DCC: variants seen among roughly 807,000 people sequenced by gnomAD.
The protein encoded by DCC is DCC netrin 1 receptor.
DCC carries 58 observed loss-of-function variants against 172.5 expected under a neutral mutation model. That is an observed-to-expected ratio of 0.34 (90% CI 0.27 to 0.42). DCC has a LOEUF of 0.42. DCC is among the 10% of genes least tolerant of loss of function. The pLI, the probability that DCC is intolerant of heterozygous loss-of-function variation, is 1.00. For synonymous variants in DCC, 709 were observed against 644.5 expected (o/e 1.10, Z -1.52); for missense variants, 1,740 against 1,791.0 (o/e 0.97, Z 0.51).
rs1384722140 is a variant in DCC at position 52,736,464 on chromosome 18, GT to G, written c.92-15583del. 3.3e-5 allele frequency among the ~76,000 whole-genome samples: 5 copies of G among 151,926 alleles called. No individual in the cohort carries two copies. In the East Asian group the frequency reaches 7.7e-4, roughly 24 times the overall value. On this transcript the variant is annotated intron_variant, in intron 1 of 28. Coordinates refer to ENST00000442544, the MANE Select transcript of DCC (RefSeq NM_005215.4). ...TATAAGTGACTTTGATAATTATCAGGTTTTTTTATGTCTACATTATTCATTC... is the reference window on the plus strand; with the variant it reads ...TATAAGTGACTTTGATAATTATCAGGTTTTTTATGTCTACATTATTCATTC...
chr18:52,549,530 C>A (rs887508573), intron 1 of DCC, among the ~76,000 whole-genome samples: 2 of 152,094 alleles, frequency 1.3e-5, no homozygotes, highest in Admixed American at 6.6e-5. Flanking sequence ...GTCCTCCACA[C>A]GGTGAACCAG....
intron 3 of DCC, among the ~76,000 whole-genome samples, chr18:52,909,516 T>A (rs1337963986): frequency 6.6e-6 from 1 of 152,182 alleles, no homozygotes; most frequent in Non-Finnish European, 1.5e-5. Flanking sequence ...GTGTTTATAG[T>A]TATATAATTC....
chr18:53,008,639 GC>G (rs1280707209), intron 5 of DCC, among the ~76,000 whole-genome samples: 6 of 151,708 alleles, frequency 4.0e-5, no homozygotes, highest in African/African-American at 1.5e-4. Context: ...AGTACCATTG[GC>G]CACATTTCTG....
At chr18:53,372,847 A>G (rs2058072972) in intron 15 of DCC, among the ~76,000 whole-genome samples, 1 of 152,076 alleles carries the variant, frequency 6.6e-6, no homozygotes, top group Non-Finnish European at 1.5e-5. Flanking sequence ...CTTGATCCTC[A>G]GAACTCTGTA....
intron 1 of DCC, among the ~76,000 whole-genome samples, chr18:52,430,672 A>G (rs1269285508): frequency 6.6e-6 from 1 of 152,192 alleles, no homozygotes; most frequent in Admixed American, 6.5e-5. Flanking sequence ...CCGCTGTGGA[A>G]TAAGCCAGTT....
intron 5 of DCC, among the ~76,000 whole-genome samples, chr18:52,958,662 G>A (rs2040787593): frequency 6.6e-6 from 1 of 152,026 alleles, no homozygotes; most frequent in Non-Finnish European, 1.5e-5. Context: ...AGGACTTGGT[G>A]GCCATAGGCA....
In DCC at chr18:52,737,706, G is replaced by A. The variant is rs57012291; in HGVS notation, c.92-14348G>A. ...ATCTGTGGCTCTGGACTAGAGGACT[G>A]TTGGAGAGAATGAGGAAGCCAGAGA... On this transcript the variant is annotated intron_variant, in intron 1 of 28. Transcript: ENST00000442544. Among the ~76,000 whole-genome samples the A allele has an allele frequency of 3.3e-3, 495 of 152,266 alleles. 2 individuals are homozygous for A. The highest frequency in any genetic ancestry group is 0.011 in the African/African-American group (469 of 41,562).
At chr18:53,485,973 ATCAT>A (rs559116744) in intron 25 of DCC, among the ~76,000 whole-genome samples, 69 of 152,218 alleles carry the variant, frequency 4.5e-4, no homozygotes, top group Middle Eastern at 6.8e-3. Context: ...GCTAAAACTG[ATCAT>A]TCAGGTAGCT....
At chr18:52,951,298 A>G (rs1179779092) in intron 5 of DCC, among the ~76,000 whole-genome samples, 1 of 152,104 alleles carries the variant, frequency 6.6e-6, no homozygotes, top group Admixed American at 6.6e-5. Flanking sequence ...TAAAATCTGG[A>G]ATGCATGTGC....
At chr18:53,486,689 T>C (rs2045903783) in intron 25 of DCC, 108 bp from the exon 26 acceptor site, 1 of 1,454,244 alleles carries the variant, frequency 6.9e-7, no homozygotes, top group Non-Finnish European at 9.6e-7. Flanking sequence ...GTTGATACTA[T>C]GAAGAGTGTG....
At chr18:53,479,018 C>T (rs2045801056) in intron 25 of DCC, among the ~76,000 whole-genome samples, 1 of 152,138 alleles carries the variant, frequency 6.6e-6, no homozygotes, top group Non-Finnish European at 1.5e-5. Context: ...ATTCCATCAC[C>T]CTTCAGCCCT....
intron 12 of DCC, among the ~76,000 whole-genome samples, chr18:53,216,920 G>T (rs924220062): frequency 6.6e-6 from 1 of 152,086 alleles, no homozygotes; most frequent in African/African-American, 2.4e-5. Flanking sequence ...TTAAGAGATT[G>T]CCAAGTCAAA....
intron 1 of DCC, among the ~76,000 whole-genome samples, chr18:52,597,179 C>T (rs899360112): frequency 3.3e-5 from 5 of 152,144 alleles, no homozygotes; most frequent in African/African-American, 4.8e-5. Context: ...GTCTTTGAAA[C>T]GGCCTATAAA....
chr18:52,771,953 G>A (rs1054795302), intron 2 of DCC, among the ~76,000 whole-genome samples: 1 of 151,630 alleles, frequency 6.6e-6, no homozygotes, highest in African/African-American at 2.4e-5. Context: ...AGCTCCCCAG[G>A]TGATTCTAAT....
chr18:52,430,381 T>A (rs1178001288), intron 1 of DCC, among the ~76,000 whole-genome samples: 1 of 140,370 alleles, frequency 7.1e-6, no homozygotes, highest in Non-Finnish European at 1.6e-5. Context: ...TGCAACATAC[T>A]TTTACAGTAC....
chr18:52,843,865 T>C (rs1306012981), intron 2 of DCC, among the ~76,000 whole-genome samples: 8 of 152,100 alleles, frequency 5.3e-5, no homozygotes, highest in Non-Finnish European at 1.2e-4. Flanking sequence ...GAACAGGAAA[T>C]ATGTAGGGAA....
intron 5 of DCC, among the ~76,000 whole-genome samples, chr18:52,971,984 C>T (rs35166096): frequency 0.11 from 16,721 of 152,150 alleles, 1,313 homozygotes; most frequent in East Asian, 0.3. Context: ...TGTCTCCTGA[C>T]AGTGAGCTCA....
chr18:52,880,977 A>C (rs1475127951), intron 2 of DCC, among the ~76,000 whole-genome samples: 1 of 152,128 alleles, frequency 6.6e-6, no homozygotes, highest in Non-Finnish European at 1.5e-5. Context: ...TTTCCCACCA[A>C]CACTGTAGAA....
intron 1 of DCC, among the ~76,000 whole-genome samples, chr18:52,640,483 C>G (rs773004213): frequency 6.6e-6 from 1 of 152,090 alleles, no homozygotes; most frequent in African/African-American, 2.4e-5. Context: ...CCAGAAAGCT[C>G]TTAGAACTGA....
Sources: gnomAD v4.1 joint callset for allele counts (sites outside exome capture counted in the v4.1 genomes callset) on GRCh38, gnomAD v4.1.1 for gene constraint, MANE v1.5 for transcripts, NCBI Gene and HGNC (gene_info 2026-07-23, HGNC 2026-07-21) for gene names.